The following HSD17B12 variants were observed in gnomAD, a reference collection of about 807,000 sequenced individuals.
HSD17B12 encodes very-long-chain 3-oxoacyl-CoA reductase.
In HSD17B12, 32 loss-of-function variants were observed where a neutral mutation model predicts 39.3. The observed-to-expected ratio is 0.81, with a 90% confidence interval of 0.61 to 1.09. HSD17B12 has a LOEUF of 1.09. Among genes scored for constraint, HSD17B12 ranks in the 50% least tolerant of loss-of-function variants. HSD17B12 has a pLI of 0.00. For missense variants in HSD17B12, 342 were observed against 382.9 expected, an observed-to-expected ratio of 0.89 and a Z score of 0.89; for synonymous variants, 150 against 146.7, an observed-to-expected ratio of 1.02 and a Z score of -0.16.
the HSD17B12 span, among the ~76,000 whole-genome samples, chr11:43,625,215 A>C: frequency 7.3e-4 from 111 of 151,778 alleles, no homozygotes; most frequent in African/African-American, 2.6e-3. Flanking sequence ...ATTTTCTCCA[A>C]ATTTAACTTT....
chr11:43,572,307 G>A, the HSD17B12 span, among the ~76,000 whole-genome samples: 5 of 152,324 alleles, frequency 3.3e-5, no homozygotes, highest in African/African-American at 1.2e-4. Context: ...CACAGGCAGA[G>A]AGCCTTATTC....
chr11:43,557,292 A>T, the HSD17B12 span, among the ~76,000 whole-genome samples: 2 of 152,150 alleles, frequency 1.3e-5, no homozygotes, highest in East Asian at 3.9e-4. Flanking sequence ...TGCTTCTGCC[A>T]CTTGGCCATA....
chr11:43,830,069 T>C (rs1322492695), intron 6 of HSD17B12: 1 of 152,220 alleles, frequency 6.6e-6, no homozygotes. Context: ...AGAATATTTC[T>C]AGGAAAACAA....
chr11:43,655,282 T>C, the HSD17B12 span, among the ~76,000 whole-genome samples: 22 of 152,344 alleles, frequency 1.4e-4, 1 homozygote, highest in East Asian at 3.9e-4. Context: ...CTGAAGTTGC[T>C]TATCAGCTTA....
chr11:43,808,679 A>G (rs1327546190), intron 4 of HSD17B12, among the ~76,000 whole-genome samples: 1 of 152,218 alleles, frequency 6.6e-6, no homozygotes, highest in Non-Finnish European at 1.5e-5. Flanking sequence ...GCAATTTATA[A>G]TTAAACAGTG....
rs1014302719 is a variant in HSD17B12, at chr11:43,741,424, C to T, written c.161-9487C>T. Reference sequence around the variant, plus strand: ...GATGAGTTTGCTGGCTCAGTTTACACCATTTTTCTATTCATAGTAGCAAAG... The same window carrying T: ...GATGAGTTTGCTGGCTCAGTTTACATCATTTTTCTATTCATAGTAGCAAAG... On this transcript the variant is annotated intron_variant, in intron 1 of 10. Transcript: ENST00000278353. 3.9e-5 allele frequency among the ~76,000 whole-genome samples: 6 copies of T among 152,036 alleles called. No homozygotes were observed. In the East Asian group the frequency reaches 9.7e-4, roughly 25 times the overall value.
chr11:43,665,773 GCACACACA>G, the HSD17B12 span, among the ~76,000 whole-genome samples: 3 of 150,218 alleles, frequency 2.0e-5, no homozygotes, highest in Non-Finnish European at 4.5e-5. Context: ...ACACGCGCAT[GCACACACA>G]CACACACACA....
intron 1 of HSD17B12, among the ~76,000 whole-genome samples, chr11:43,691,859 T>G (rs374035218): frequency 8.5e-5 from 13 of 152,304 alleles, no homozygotes; most frequent in African/African-American, 3.1e-4. Context: ...AGGCATTTAG[T>G]AGGTTTTGGT....
intron 1 of HSD17B12, among the ~76,000 whole-genome samples, chr11:43,716,543 T>A (rs1950124826): frequency 6.6e-6 from 1 of 151,990 alleles, no homozygotes; most frequent in Non-Finnish European, 1.5e-5. Flanking sequence ...AGGTTCTCAT[T>A]CATTTCGCAA....
At chr11:43,655,871 T>A in the HSD17B12 span, among the ~76,000 whole-genome samples, 4 of 152,156 alleles carry the variant, frequency 2.6e-5, no homozygotes, top group Non-Finnish European at 5.9e-5. Flanking sequence ...ATTCTCTTTT[T>A]TGGTTGTGTC....
At chr11:43,716,945 A>G (rs1197435700) in intron 1 of HSD17B12, among the ~76,000 whole-genome samples, 1 of 151,942 alleles carries the variant, frequency 6.6e-6, no homozygotes, top group East Asian at 1.9e-4. Context: ...AGTAAATAGA[A>G]GGTACCTGAA....
the HSD17B12 span, among the ~76,000 whole-genome samples, chr11:43,659,051 C>T: frequency 1.6e-4 from 24 of 152,246 alleles, no homozygotes; most frequent in African/African-American, 5.3e-4. Flanking sequence ...CCAGTTCGAG[C>T]TTCCCAGCTG....
At chr11:43,671,033 G>T in the HSD17B12 span, among the ~76,000 whole-genome samples, 2 of 152,080 alleles carry the variant, frequency 1.3e-5, no homozygotes, top group African/African-American at 4.8e-5. Flanking sequence ...AAGGATTCAG[G>T]TAAAGAAAAC....
chr11:43,817,036 ATATC>A (rs1423858612), intron 6 of HSD17B12, among the ~76,000 whole-genome samples: 790 of 24,182 alleles, frequency 0.033, 4 homozygotes, highest in Middle Eastern at 0.14. Flanking sequence ...ATCTATATCT[ATATC>A]TATATATATA....
intron 3 of HSD17B12, among the ~76,000 whole-genome samples, chr11:43,768,897 A>C (rs1174110285): frequency 6.6e-6 from 1 of 152,124 alleles, no homozygotes; most frequent in Non-Finnish European, 1.5e-5. Context: ...ATTTTTACAG[A>C]ATGCTGATTG....
chr11:43,567,897 AGACCCCCTTAGT>A, the HSD17B12 span, among the ~76,000 whole-genome samples: 1 of 152,216 alleles, frequency 6.6e-6, no homozygotes, highest in African/African-American at 2.4e-5. Flanking sequence ...ATAGACTAAT[AGACCCCCTTAGT>A]GACCCTCATA....
At chr11:43,610,134 T>C in the HSD17B12 span, among the ~76,000 whole-genome samples, 4 of 152,218 alleles carry the variant, frequency 2.6e-5, no homozygotes, top group Non-Finnish European at 5.9e-5. Flanking sequence ...TCCCTTTTAG[T>C]CACTTGAATT....
chr11:43,565,058 C>G, the HSD17B12 span, among the ~76,000 whole-genome samples: 3 of 152,180 alleles, frequency 2.0e-5, no homozygotes, highest in Non-Finnish European at 4.4e-5. Flanking sequence ...CACCACCAAG[C>G]CTGGCTAGTT....
rs112363376 is a variant in HSD17B12, at chr11:43,728,022, A to C, written c.161-22889A>C. On this transcript the variant is annotated intron_variant, in intron 1 of 10. Transcript: ENST00000278353. ...ACATCTCAATTGTGGCAGTAACCAC[A>C]TGGGGGCTTGCATAGTGTGATTCTG... 5.9e-3 allele frequency among the ~76,000 whole-genome samples: 897 copies of C among 151,698 alleles called. 7 individuals are homozygous for C. The highest frequency in any genetic ancestry group is 0.021 in the African/African-American group (857 of 41,380).
Sources: allele counts gnomAD v4.1 joint callset (sites outside exome capture counted in the v4.1 genomes callset), GRCh38; gene constraint gnomAD v4.1.1; transcripts MANE v1.5; gene names NCBI Gene and HGNC (gene_info 2026-07-23, HGNC 2026-07-21).